Variants in RTF1 observed in about 807,000 individuals in gnomAD.
RTF1 encodes the protein RNA polymerase-associated protein RTF1 homolog.
Under a neutral mutation model 95.7 loss-of-function variants are expected in RTF1, and 10 were observed. The ratio of observed to expected loss-of-function variants is 0.10; its 90% CI spans 0.06 to 0.18. The LOEUF is 0.18. Ranked by LOEUF, RTF1 falls within the 10% of genes least tolerant of loss-of-function variation. The pLI is 1.00. For missense variants in RTF1, 458 were observed against 875.6 expected (o/e 0.52, Z 6.02); for synonymous variants, 305 against 311.8 (o/e 0.98, Z 0.23).
Position 41,468,160 on chromosome 15 carries a change from C to CT in RTF1, c.889+1909dup, listed in dbSNP as rs2050889769. ...CAGCCTGGGCAACAAGAGTGAGACT[C>CT]TGTCTCAAAAAAAAAGAAAAAGAAA... On this transcript the variant is annotated intron_variant, in intron 6 of 17. Coordinates refer to ENST00000389629, the MANE Select transcript of RTF1 (RefSeq NM_015138.5). Among the ~76,000 whole-genome samples the CT allele has an allele frequency of 3.3e-5, 5 of 151,944 alleles. No homozygotes were observed. In the South Asian group the frequency reaches 1.0e-3, roughly 32 times the overall value.
intron 4 of RTF1, among the ~76,000 whole-genome samples, chr15:41,460,559 C>T (rs1213443351): frequency 3.3e-5 from 5 of 152,120 alleles, no homozygotes; most frequent in Non-Finnish European, 5.9e-5. Context: ...AAGATGTTGT[C>T]GTGTAAGGCC....
At chr15:41,452,683 A>C (rs2050794747) in intron 2 of RTF1, among the ~76,000 whole-genome samples, 1 of 151,820 alleles carries the variant, frequency 6.6e-6, no homozygotes, top group African/African-American at 2.4e-5. Context: ...GCAGTGAACC[A>C]AGACTGTGCC....
At chr15:41,447,784 C>T (rs980308944) in intron 2 of RTF1, among the ~76,000 whole-genome samples, 1 of 151,972 alleles carries the variant, frequency 6.6e-6, no homozygotes, top group South Asian at 2.1e-4. Flanking sequence ...GGTGGGTGCT[C>T]ATTTTCTCAT....
chr15:41,472,278 C>T (rs914344617), intron 8 of RTF1, among the ~76,000 whole-genome samples: 3 of 151,694 alleles, frequency 2.0e-5, no homozygotes, highest in African/African-American at 7.3e-5. Flanking sequence ...ACGATCTTGG[C>T]TCACTGCAAC....
In RTF1 at chr15:41,483,481, GT is replaced by G. The variant is rs1159571982; in HGVS notation, c.*2799del. ...GCCTGCCACTCCCTTCAAAAAGAAT[GT>G]TTTTGCTTTTGTGAAGTCCTGACTT... is the stretch of plus-strand genomic sequence containing the variant. On this transcript the variant is annotated 3_prime_UTR_variant, in exon 18 of 18. Coordinates refer to ENST00000389629, the MANE Select transcript of RTF1 (RefSeq NM_015138.5). 6.6e-6 allele frequency: 1 copy of G among 152,646 alleles called. No homozygotes were observed. The highest frequency in any genetic ancestry group is 1.9e-4 in the East Asian group (1 of 5,186). 9.5% of individuals were successfully genotyped at this position (152,646 alleles called of 1,614,324 possible). A position where few individuals can be genotyped will look rare whatever the true frequency, so the allele number is the denominator to read the frequency against.
chr15:41,471,547 A>C (rs2050911706), intron 8 of RTF1, among the ~76,000 whole-genome samples, 198 bp downstream of exon 8: 4 of 152,198 alleles, frequency 2.6e-5, no homozygotes, highest in Admixed American at 2.6e-4. Flanking sequence ...CTTGGAGCCC[A>C]AGGGCCTGGA....
rs766975950 is a variant in RTF1 at position 41,479,098 on chromosome 15, C to G, written c.1819-5C>G. ...ATCTCTAAAACAACTTATTTTCTCTCTCAGTCCAGAGACCCAGCTGTTCAA... is the reference window on the plus strand; with the variant it reads ...ATCTCTAAAACAACTTATTTTCTCTGTCAGTCCAGAGACCCAGCTGTTCAA... On this transcript the variant is annotated splice_polypyrimidine_tract_variant and splice_region_variant and intron_variant, in intron 15 of 17. Coordinates refer to ENST00000389629, the MANE Select transcript of RTF1 (RefSeq NM_015138.5). 8 of 1,606,572 alleles carry G rather than the reference C, an allele frequency of 5.0e-6. No individual in the cohort carries two copies. The highest frequency in any genetic ancestry group is 2.2e-5 in the East Asian group (1 of 44,832).
intron 7 of RTF1, among the ~76,000 whole-genome samples, chr15:41,470,611 G>A (rs1408016152): frequency 1.3e-5 from 2 of 148,954 alleles, no homozygotes; most frequent in African/African-American, 2.5e-5. Flanking sequence ...AACTGACTTC[G>A]TGTCATTCTC....
chr15:41,476,260 G>A (rs976132310), intron 11 of RTF1, among the ~76,000 whole-genome samples, 186 bp from the exon 12 acceptor site: 37 of 152,260 alleles, frequency 2.4e-4, no homozygotes, highest in African/African-American at 8.4e-4. Flanking sequence ...AAGAATCTCC[G>A]TGACCCAGGA....
At chr15:41,420,239 T>C (rs2050593690) in intron 1 of RTF1, among the ~76,000 whole-genome samples, 1 of 152,172 alleles carries the variant, frequency 6.6e-6, no homozygotes, top group South Asian at 2.1e-4. Context: ...CAGCTTCTTA[T>C]TTGCATTCTT....
At chr15:41,474,913 G>C (rs886537484) in intron 9 of RTF1, among the ~76,000 whole-genome samples, 1 of 152,124 alleles carries the variant, frequency 6.6e-6, no homozygotes, top group Non-Finnish European at 1.5e-5. Context: ...ATATATGAAG[G>C]GGTAGGACAC....
chr15:41,432,139 A>T (rs1005459092), intron 1 of RTF1, among the ~76,000 whole-genome samples: 9 of 149,216 alleles, frequency 6.0e-5, no homozygotes, highest in African/African-American at 2.2e-4. Context: ...TAGAAGAGGG[A>T]TTGTACTTAT....
intron 8 of RTF1, among the ~76,000 whole-genome samples, chr15:41,472,914 G>T (rs1375387466): frequency 1.3e-5 from 2 of 151,798 alleles, no homozygotes; most frequent in Non-Finnish European, 2.9e-5. Flanking sequence ...TGTTAGCCAG[G>T]ATGGTCTTGA....
chr15:41,468,968 T>C (rs925042349), intron 6 of RTF1, among the ~76,000 whole-genome samples: 3 of 152,118 alleles, frequency 2.0e-5, no homozygotes, highest in Non-Finnish European at 4.4e-5. Flanking sequence ...CCATCCATCT[T>C]TTTCTCTCTC....
At chr15:41,431,967 T>G (rs936938954) in intron 1 of RTF1, among the ~76,000 whole-genome samples, 2 of 151,810 alleles carry the variant, frequency 1.3e-5, no homozygotes, top group Non-Finnish European at 2.9e-5. Flanking sequence ...GCCTGGCTAA[T>G]TTTTTGTATT....
rs1413603711 is a variant in RTF1 at position 41,476,530 on chromosome 15, A to T, written c.1560+7A>T. 1 of 1,611,206 alleles carries T rather than the reference A, an allele frequency of 6.2e-7. No individual in the cohort carries two copies. Among genetic ancestry groups the T allele is most frequent in the Non-Finnish European group, 8.5e-7 (1 of 1,177,470 alleles). ...TCAGCTACTGAAGGAAAAGGTAAGG[A>T]GTTGTACTCGAGCCTCTTTCCTCAT... On this transcript the variant is annotated splice_region_variant and intron_variant, in intron 12 of 17. Coordinates refer to ENST00000389629, the MANE Select transcript of RTF1 (RefSeq NM_015138.5).
chr15:41,451,279 C>A (rs569888760), intron 2 of RTF1, among the ~76,000 whole-genome samples: 1 of 152,198 alleles, frequency 6.6e-6, no homozygotes, highest in Non-Finnish European at 1.5e-5. Flanking sequence ...GATGATTATT[C>A]TTTATGGTAA....
chr15:41,444,966 C>G (rs1157448377), intron 2 of RTF1, among the ~76,000 whole-genome samples: 1 of 152,014 alleles, frequency 6.6e-6, no homozygotes, highest in Admixed American at 6.6e-5. Context: ...GAGTCTCGGT[C>G]TGTCGCCCAG....
chr15:41,444,510 G>A (rs1194728012), intron 2 of RTF1, among the ~76,000 whole-genome samples: 1 of 152,064 alleles, frequency 6.6e-6, no homozygotes, highest in African/African-American at 2.4e-5. Flanking sequence ...ACCCAGGCTG[G>A]TGTTGAACTC....
Sources: allele counts gnomAD v4.1 joint callset (sites outside exome capture counted in the v4.1 genomes callset), GRCh38; gene constraint gnomAD v4.1.1; transcripts MANE v1.5; gene names NCBI Gene and HGNC (gene_info 2026-07-23, HGNC 2026-07-21).